Variants in KCTD8 observed in about 807,000 individuals in gnomAD.
KCTD8 encodes the protein BTB/POZ domain-containing protein KCTD8.
Under a neutral mutation model 31.5 loss-of-function variants are expected in KCTD8, and 27 were observed. The ratio of observed to expected loss-of-function variants is 0.86; its 90% confidence interval spans 0.63 to 1.18. The LOEUF is 1.18. KCTD8 is among the 50% of genes most tolerant of loss of function. KCTD8 has a pLI of 0.00. For missense variants in KCTD8, 658 were observed against 647.7 expected (o/e 1.02, Z -0.17); for synonymous variants, 290 against 280.0 (o/e 1.04, Z -0.36).
chr4:44,364,193 G>A (rs1331962930), intron 1 of KCTD8, among the ~76,000 whole-genome samples: 1 of 151,922 alleles, frequency 6.6e-6, no homozygotes, highest in Non-Finnish European at 1.5e-5. Context: ...TCTGATAGAG[G>A]ACTTGTATCC....
intron 1 of KCTD8, among the ~76,000 whole-genome samples, chr4:44,252,189 T>C (rs1361211018): frequency 6.6e-6 from 1 of 151,850 alleles, no homozygotes. Flanking sequence ...ATGCCATTAC[T>C]TCATTCCTTT....
intron 1 of KCTD8, among the ~76,000 whole-genome samples, chr4:44,257,969 T>C (rs1716037280): frequency 6.6e-6 from 1 of 152,016 alleles, no homozygotes. Flanking sequence ...GATTAAATTG[T>C]GGCTTCCTAA....
At chr4:44,421,496 A>G (rs752964236) in intron 1 of KCTD8, among the ~76,000 whole-genome samples, 11 of 152,126 alleles carry the variant, frequency 7.2e-5, no homozygotes, top group Non-Finnish European at 1.6e-4. Context: ...GAACCTTTTA[A>G]CAAGAACCCT....
At chr4:44,251,055 A>G (rs1715817167) in intron 1 of KCTD8, among the ~76,000 whole-genome samples, 2 of 151,626 alleles carry the variant, frequency 1.3e-5, no homozygotes, top group African/African-American at 4.8e-5. Flanking sequence ...TTCCATATGG[A>G]TAGCCAATTT....
intron 1 of KCTD8, among the ~76,000 whole-genome samples, chr4:44,321,177 G>C (rs1718285655): frequency 6.6e-6 from 1 of 151,956 alleles, no homozygotes; most frequent in Admixed American, 6.6e-5. Flanking sequence ...TTTGTTTTTA[G>C]TTACTCTTAC....
chr4:44,417,070 C>A (rs911116649), intron 1 of KCTD8, among the ~76,000 whole-genome samples: 3 of 152,132 alleles, frequency 2.0e-5, no homozygotes, highest in Non-Finnish European at 4.4e-5. Flanking sequence ...GTAACTTGTT[C>A]AAGGTCACAT....
intron 1 of KCTD8, among the ~76,000 whole-genome samples, chr4:44,411,581 T>C (rs903762838): frequency 3.3e-5 from 5 of 152,042 alleles, no homozygotes; most frequent in Non-Finnish European, 5.9e-5. Flanking sequence ...GAATTTTGTC[T>C]CCCCAAAATA....
chr4:44,210,127 T>C (rs1714439118), intron 1 of KCTD8, among the ~76,000 whole-genome samples: 1 of 152,196 alleles, frequency 6.6e-6, no homozygotes, highest in South Asian at 2.1e-4. Context: ...ATTATGTAAA[T>C]ATTCAACAGT....
chr4:44,370,474 GC>G (rs1719752757), intron 1 of KCTD8, among the ~76,000 whole-genome samples: 1 of 152,142 alleles, frequency 6.6e-6, no homozygotes, highest in Non-Finnish European at 1.5e-5. Flanking sequence ...CTAAGTAGTG[GC>G]TGGCACTGCT....
intron 1 of KCTD8, among the ~76,000 whole-genome samples, chr4:44,291,960 GAAAA>G (rs571458412): frequency 4.4e-3 from 393 of 88,404 alleles, no homozygotes; most frequent in Non-Finnish European, 5.5e-3. Flanking sequence ...TGGCTATTAT[GAAAA>G]AAAAAAAAAA....
intron 1 of KCTD8, among the ~76,000 whole-genome samples, chr4:44,306,862 G>A (rs1271706007): frequency 1.3e-5 from 2 of 151,872 alleles, no homozygotes; most frequent in African/African-American, 4.8e-5. Flanking sequence ...TATTTAAAAA[G>A]GAGAAAAAGA....
At chr4:44,312,363 G>A (rs1005398843) in intron 1 of KCTD8, among the ~76,000 whole-genome samples, 2 of 152,118 alleles carry the variant, frequency 1.3e-5, no homozygotes, top group African/African-American at 4.8e-5. Context: ...GCCAGGACTT[G>A]AATCTCTGGG....
intron 1 of KCTD8, among the ~76,000 whole-genome samples, chr4:44,363,055 T>C (rs866122922): frequency 7.9e-5 from 12 of 152,200 alleles, no homozygotes; most frequent in Middle Eastern, 6.8e-3. Context: ...TTCATTTATA[T>C]TGGAAAGGAG....
At chr4:44,446,491 T>G (rs533352907) in intron 1 of KCTD8, among the ~76,000 whole-genome samples, 45 of 152,220 alleles carry the variant, frequency 3.0e-4, no homozygotes, top group Non-Finnish European at 5.3e-4. Flanking sequence ...TCTTTTCACT[T>G]CATAAACGCC....
chr4:44,225,949 T>C (rs2109350236), intron 1 of KCTD8, among the ~76,000 whole-genome samples: 1 of 151,202 alleles, frequency 6.6e-6, no homozygotes, highest in Admixed American at 6.6e-5. Context: ...GCCTCCCGAG[T>C]AGCTGGGACT....
chr4:44,269,047 G>T (rs1444702790), intron 1 of KCTD8, among the ~76,000 whole-genome samples: 1 of 151,824 alleles, frequency 6.6e-6, no homozygotes, highest in Non-Finnish European at 1.5e-5. Flanking sequence ...CTACTTTAAA[G>T]TTCATATGGA....
At chr4:44,418,671 A>G (rs917703118) in intron 1 of KCTD8, among the ~76,000 whole-genome samples, 1 of 152,178 alleles carries the variant, frequency 6.6e-6, no homozygotes, top group Non-Finnish European at 1.5e-5. Context: ...AGAATTAGAC[A>G]TGCCTTTCAC....
chr4:44,235,576 TTTAGAG>T (rs1715265006), intron 1 of KCTD8, among the ~76,000 whole-genome samples: 2 of 56,890 alleles, frequency 3.5e-5, no homozygotes, highest in South Asian at 6.2e-4. Flanking sequence ...TATATATATA[TTTAGAG>T]AGAGAGAGAG....
At chr4:44,199,671 A>T (rs371625134) in intron 1 of KCTD8, among the ~76,000 whole-genome samples, 4 of 152,140 alleles carry the variant, frequency 2.6e-5, no homozygotes, top group African/African-American at 7.2e-5. Context: ...ATGAAAGTTT[A>T]TAGTATTAAA....
Sources: allele counts gnomAD v4.1 joint callset (sites outside exome capture counted in the v4.1 genomes callset), GRCh38; gene constraint gnomAD v4.1.1; transcripts MANE v1.5; gene names NCBI Gene and HGNC (gene_info 2026-07-23, HGNC 2026-07-21).